The following CTBP2 variants were observed in gnomAD, a reference collection of about 807,000 sequenced individuals.
The protein encoded by CTBP2 is C-terminal binding protein 2.
CTBP2 carries 30 observed loss-of-function variants against 80.3 expected under a neutral mutation model. That is an observed-to-expected ratio of 0.37 (90% CI 0.28 to 0.51). CTBP2 has a LOEUF of 0.51. Ranked by LOEUF, CTBP2 falls within the 20% of genes least tolerant of loss-of-function variation. The pLI, the probability that CTBP2 is intolerant of heterozygous loss-of-function variation, is 0.93. For missense variants in CTBP2, 1,212 were observed against 1,375.3 expected, an observed-to-expected ratio of 0.88 and a Z score of 1.88; for synonymous variants, 594 against 587.4, an observed-to-expected ratio of 1.01 and a Z score of -0.16.
chr10:124,998,031 C>T lies in CTBP2; in HGVS notation c.2118G>A (p.Glu706=). Residue 706 remains glutamate, a synonymous_variant, in exon 4 of 9, where the codon GAG becomes GAA. Coordinates refer to ENST00000309035, the MANE Select transcript of CTBP2 (RefSeq NM_022802.3). ...CTCCCGAGGCCACCTCGCGGATCTGCTCCACGCTCTGAACCCGCGTGCCTT... is the reference window on the plus strand; with the variant it reads ...CTCCCGAGGCCACCTCGCGGATCTGTTCCACGCTCTGAACCCGCGTGCCTT... 1 of 1,613,370 alleles carries T rather than the reference C, an allele frequency of 6.2e-7. No homozygotes were observed. The highest frequency in any genetic ancestry group is 8.5e-7 in the Non-Finnish European group (1 of 1,180,002).
upstream of CTBP2, chr10:125,161,280 C>T (rs143639460): frequency 0.064 from 9,652 of 151,834 alleles, 430 homozygotes; most frequent in African/African-American, 0.13. Flanking sequence ...GGGAGGCCCT[C>T]GGGAGGCGCG....
At position 125,027,070 on chromosome 10, in the gene CTBP2, C is replaced by T. The variant is rs372903716; in HGVS notation, c.690G>A (p.Thr230=). The change falls in exon 1 of 9, where the codon ACG becomes ACA. Residue 230 remains threonine, a synonymous_variant. Transcript: ENST00000309035. Reference sequence around the variant, plus strand: ...CTGAACTGGGGTCCACAACCAGGCACGTCGGGGCCACCTGTCTGGCAGGGG... The same window carrying T: ...CTGAACTGGGGTCCACAACCAGGCATGTCGGGGCCACCTGTCTGGCAGGGG... 21 of 1,612,180 alleles carry T rather than the reference C, an allele frequency of 1.3e-5. No homozygotes were observed. Among genetic ancestry groups the T allele is most frequent in the Admixed American group, 1.2e-4 (7 of 59,920 alleles).
intron 8 of CTBP2, among the ~76,000 whole-genome samples, chr10:124,990,655 C>T (rs1036596659): frequency 1.3e-5 from 2 of 152,242 alleles, no homozygotes; most frequent in African/African-American, 4.8e-5. Flanking sequence ...CAATGTTTGT[C>T]TCCCTCCATC....
intron 2 of CTBP2, among the ~76,000 whole-genome samples, chr10:125,083,904 C>A (rs997447299): frequency 2.0e-5 from 3 of 152,134 alleles, no homozygotes; most frequent in African/African-American, 4.8e-5. Context: ...CTCAGCTTCC[C>A]GAGTAGCTGG....
In CTBP2 at chr10:124,988,921, A is replaced by AACTT. The variant is rs1266870792; in HGVS notation, c.*593_*596dup. 2 of 151,998 alleles carry AACTT rather than the reference A, an allele frequency of 1.3e-5. No homozygotes were observed. The highest frequency in any genetic ancestry group is 2.4e-5 in the African/African-American group (1 of 41,136). The allele number at this position is 151,998 out of a possible 1,614,324, so 9.4% of individuals were successfully genotyped here. ...TTTGCATCATCAGAGGGTTTTACTG[A>AACTT]ACTTACAACCGACTTGCCCGCTCAG... is the stretch of plus-strand genomic sequence containing the variant. On this transcript the variant is annotated 3_prime_UTR_variant, in exon 9 of 9. Transcript: ENST00000309035.
chr10:125,060,730 T>C (rs933307661), intron 2 of CTBP2, among the ~76,000 whole-genome samples: 1 of 151,980 alleles, frequency 6.6e-6, no homozygotes, highest in African/African-American at 2.4e-5. Flanking sequence ...AGAGGAGAGA[T>C]TGCAGATGGA....
At chr10:125,029,645 T>C (rs1474910888), upstream of CTBP2, among the ~76,000 whole-genome samples, 5 of 152,206 alleles carry the variant, frequency 3.3e-5, no homozygotes, top group Admixed American at 6.5e-5. Context: ...GTTAGTACTA[T>C]GCTACCCCAC....
chr10:125,152,085 G>T (rs1006147607), intron 1 of CTBP2, among the ~76,000 whole-genome samples: 2 of 152,162 alleles, frequency 1.3e-5, no homozygotes, highest in Non-Finnish European at 2.9e-5. Flanking sequence ...GCCCTGCGGG[G>T]GGAAGAGGGC....
upstream of CTBP2, among the ~76,000 whole-genome samples, chr10:125,028,814 G>A (rs1957907545): frequency 6.6e-6 from 1 of 152,252 alleles, no homozygotes. Flanking sequence ...CCTAATTCCA[G>A]CAGGCTTAGA....
In CTBP2 at chr10:125,040,183, G is replaced by A. The variant is rs934449085; in HGVS notation, c.-101-1028C>T. Among the ~76,000 whole-genome samples, 5 of 152,116 alleles carry A rather than the reference G, an allele frequency of 3.3e-5. 1 individual carries two copies. The highest frequency in any genetic ancestry group is 7.4e-5 in the Non-Finnish European group (5 of 68,018). On this transcript the variant is annotated intron_variant, in intron 2 of 10. Transcript: ENST00000337195. The stretch of plus-strand genomic sequence containing the variant: ...GGCTTAATGAATCTTGGCCAGGCAC[G>A]GTGGCTCATGCCTGTAAGCCCAGAA...
At chr10:125,161,290 GGGGGCCTCGGTGGCA>G (rs1262568771), upstream of CTBP2, 1 of 151,922 alleles carries the variant, frequency 6.6e-6, no homozygotes, top group South Asian at 2.1e-4. Flanking sequence ...CGGGAGGCGC[GGGGGCCTCGGTGGCA>G]GGGGCCGAGG....
At chr10:125,022,956 C>T (rs904840876) in intron 1 of CTBP2, among the ~76,000 whole-genome samples, 1 of 152,194 alleles carries the variant, frequency 6.6e-6, no homozygotes, top group Non-Finnish European at 1.5e-5. Flanking sequence ...TCTGATAGGG[C>T]TAAAATTATT....
chr10:125,159,692 G>A (rs2133550812), intron 1 of CTBP2, among the ~76,000 whole-genome samples: 1 of 148,484 alleles, frequency 6.7e-6, no homozygotes, highest in South Asian at 2.1e-4. Context: ...ACTTCCCCAC[G>A]GAACCCCTCT....
At position 125,116,130 on chromosome 10, in the gene CTBP2, G is replaced by A. The variant is rs147948085; in HGVS notation, c.-205-5037C>T. 4.8e-3 allele frequency among the ~76,000 whole-genome samples: 726 copies of A among 152,238 alleles called. 8 individuals carry two copies. The highest frequency in any genetic ancestry group is 0.016 in the African/African-American group (685 of 41,554). ...GGTCCCTGCCCCAGGGACTCAGGAGGGGCCACCGACTCCAGGCCCGAACCC... is the reference window on the plus strand; with the variant it reads ...GGTCCCTGCCCCAGGGACTCAGGAGAGGCCACCGACTCCAGGCCCGAACCC... On this transcript the variant is annotated intron_variant, in intron 1 of 10. Transcript: ENST00000337195.
Position 125,037,639 on chromosome 10 carries a change from C to T in CTBP2, c.58+1358G>A, listed in dbSNP as rs959425534. 5.9e-5 allele frequency among the ~76,000 whole-genome samples: 9 copies of T among 152,300 alleles called. No homozygotes were observed. The East Asian group carries it at 1.7e-3, about 29-fold the overall frequency. On this transcript the variant is annotated intron_variant, in intron 3 of 10. Coordinates refer to the CTBP2 transcript ENST00000337195. ...ACTAGAGAGATGTAACAACTAAACA[C>T]AATGCGTGACCCTTATCTATTGCAC...
At chr10:125,158,954 A>T (rs1355173608) in intron 1 of CTBP2, among the ~76,000 whole-genome samples, 1 of 151,564 alleles carries the variant, frequency 6.6e-6, no homozygotes, top group Middle Eastern at 3.4e-3. Flanking sequence ...GACCGAGCTG[A>T]GCTCTTGGGC....
At chr10:125,001,900 G>GC in intron 3 of CTBP2, among the ~76,000 whole-genome samples, 1 of 152,206 alleles carries the variant, frequency 6.6e-6, no homozygotes, top group African/African-American at 2.4e-5. Flanking sequence ...CATGGGGGTG[G>GC]CCTCCCTGAA....
Position 125,003,063 on chromosome 10 carries a change from G to A in CTBP2, c.1875C>T (p.Ile625=). The change falls in exon 3 of 9, where the codon ATC becomes ATT. Residue 625 remains isoleucine, a synonymous_variant. Coordinates refer to ENST00000309035, the MANE Select transcript of CTBP2 (RefSeq NM_022802.3). ...TCTCCAGGTCCTCCCTGGTGAGGGT[G>A]ATGGTGTGGTACATCATGGCGCCCA... 1 of 1,614,080 alleles carries A rather than the reference G, an allele frequency of 6.2e-7. No homozygotes were observed. Among genetic ancestry groups the A allele is most frequent in the Non-Finnish European group, 8.5e-7 (1 of 1,180,034 alleles).
At chr10:124,994,129 G>GA (rs1953118686) in intron 5 of CTBP2, 144 bp from the exon 8 acceptor site, 3 of 1,169,168 alleles carry the variant, frequency 2.6e-6, no homozygotes, top group Non-Finnish European at 3.6e-6. Flanking sequence ...AAGGGAGTGG[G>GA]AAGTGTTGGT....
Sources: gnomAD v4.1 joint callset for allele counts (sites outside exome capture counted in the v4.1 genomes callset) on GRCh38, gnomAD v4.1.1 for gene constraint, MANE v1.5 for transcripts, NCBI Gene and HGNC (gene_info 2026-07-23, HGNC 2026-07-21) for gene names.